ERBB4: variants seen among roughly 807,000 people sequenced by gnomAD.
ERBB4 encodes erb-b2 receptor tyrosine kinase 4, also known as receptor tyrosine-protein kinase erbB-4.
A neutral mutation model predicts 158.0 loss-of-function variants in ERBB4; 42 were observed. The observed-to-expected ratio is 0.27, with a 90% CI of 0.21 to 0.34. ERBB4 has a LOEUF of 0.34. ERBB4 is among the 10% of genes least tolerant of loss of function. The pLI is 1.00. For missense variants in ERBB4, 1,333 were observed against 1,624.1 expected (o/e 0.82, Z 3.08); for synonymous variants, 583 against 558.7 (o/e 1.04, Z -0.61).
intron 1 of ERBB4, among the ~76,000 whole-genome samples, chr2:212,184,838 C>T (rs910550142): frequency 6.6e-6 from 1 of 151,952 alleles, no homozygotes; most frequent in Non-Finnish European, 1.5e-5. Context: ...GTTAATTTCA[C>T]AAGAAAATAA....
At chr2:211,754,119 C>A (rs985773161) in intron 4 of ERBB4, among the ~76,000 whole-genome samples, 1 of 152,120 alleles carries the variant, frequency 6.6e-6, no homozygotes, top group East Asian at 1.9e-4. Flanking sequence ...CTCGGCCTCC[C>A]AAAGTGCTGG....
chr2:212,152,642 A>T lies in ERBB4; in HGVS notation c.83-27739T>A, dbSNP rs563242571. 3.7e-4 allele frequency among the ~76,000 whole-genome samples: 57 copies of T among 152,228 alleles called. 1 individual carries two copies. The highest frequency in any genetic ancestry group is 1.3e-3 in the African/African-American group (55 of 41,542). Reference sequence around the variant, plus strand: ...TCATACTGATGATCCCCATATTTCTATCTTCAGCCCACATCATTCTTTCTG... The same window carrying T: ...TCATACTGATGATCCCCATATTTCTTTCTTCAGCCCACATCATTCTTTCTG... On this transcript the variant is annotated intron_variant, in intron 1 of 27. Coordinates refer to ENST00000342788, the MANE Select transcript of ERBB4 (RefSeq NM_005235.3).
intron 25 of ERBB4, among the ~76,000 whole-genome samples, chr2:211,389,861 A>T: frequency 6.6e-6 from 1 of 152,242 alleles, no homozygotes; most frequent in South Asian, 2.1e-4. Flanking sequence ...AATGTAAAGG[A>T]TATATCAATC....
At chr2:212,163,330 A>G (rs1255154400) in intron 1 of ERBB4, among the ~76,000 whole-genome samples, 3 of 152,120 alleles carry the variant, frequency 2.0e-5, no homozygotes, top group Non-Finnish European at 4.4e-5. Flanking sequence ...GAAAAAACAT[A>G]AATGATATAA....
intron 3 of ERBB4, among the ~76,000 whole-genome samples, chr2:211,889,303 C>T (rs10183321): frequency 0.091 from 13,008 of 143,268 alleles, 978 homozygotes; most frequent in South Asian, 0.21. Context: ...ACACCTCACA[C>T]GGCAGGGTAT....
In ERBB4 at chr2:211,477,792, T is replaced by C. The variant is rs1017215203; in HGVS notation, c.2488-46692A>G. Among the ~76,000 whole-genome samples the C allele has an allele frequency of 3.3e-5, 5 of 152,144 alleles. No homozygotes were observed. In the East Asian group the frequency reaches 9.6e-4, roughly 29 times the overall value. ...AATTTTAAGTATTAAAGTTCAAAAG[T>C]AACTTATTATTGCATAACAGTTCTC... On this transcript the variant is annotated intron_variant, in intron 20 of 27. Transcript: ENST00000342788.
At chr2:212,001,624 G>C (rs926738283) in intron 2 of ERBB4, among the ~76,000 whole-genome samples, 2 of 152,184 alleles carry the variant, frequency 1.3e-5, no homozygotes, top group African/African-American at 4.8e-5. Context: ...AGCATAGCTT[G>C]AATGAGAACC....
chr2:212,477,646 A>T (rs2106146297), intron 1 of ERBB4, among the ~76,000 whole-genome samples: 1 of 152,198 alleles, frequency 6.6e-6, no homozygotes, highest in Middle Eastern at 3.4e-3. Context: ...TTTCCACTTT[A>T]TTGCTTTTGA....
intron 20 of ERBB4, among the ~76,000 whole-genome samples, chr2:211,441,739 G>T (rs1574495522): frequency 6.6e-6 from 1 of 152,118 alleles, no homozygotes; most frequent in Middle Eastern, 3.4e-3. Flanking sequence ...TCAGTGCTCT[G>T]CTGTCTTCCA....
chr2:211,703,738 T>C (rs1297652542), intron 11 of ERBB4, among the ~76,000 whole-genome samples: 1 of 152,174 alleles, frequency 6.6e-6, no homozygotes, highest in Non-Finnish European at 1.5e-5. Flanking sequence ...CAGAACCTCC[T>C]GGCACAACAG....
At chr2:211,569,501 T>G (rs1381470793) in intron 19 of ERBB4, among the ~76,000 whole-genome samples, 1 of 152,162 alleles carries the variant, frequency 6.6e-6, no homozygotes, top group African/African-American at 2.4e-5. Context: ...AACAGATGCA[T>G]AAGTATTTTT....
At chr2:212,187,932 G>A (rs1376287400) in intron 1 of ERBB4, among the ~76,000 whole-genome samples, 3 of 152,026 alleles carry the variant, frequency 2.0e-5, no homozygotes, top group African/African-American at 4.8e-5. Flanking sequence ...ATTTTAATGC[G>A]TTGACAGCTA....
chr2:212,516,884 G>T (rs1256027404), intron 1 of ERBB4, among the ~76,000 whole-genome samples: 1 of 152,060 alleles, frequency 6.6e-6, no homozygotes, highest in Admixed American at 6.6e-5. Flanking sequence ...TTGAAGAAAT[G>T]AATGTCTAGG....
At chr2:211,395,337 G>GAGGT (rs2062889081) in intron 25 of ERBB4, among the ~76,000 whole-genome samples, 1 of 152,020 alleles carries the variant, frequency 6.6e-6, no homozygotes, top group Non-Finnish European at 1.5e-5. Context: ...GACACTCTGA[G>GAGGT]AGGTTAATTT....
chr2:211,613,277 T>C (rs968098327), intron 19 of ERBB4, among the ~76,000 whole-genome samples: 6 of 151,966 alleles, frequency 3.9e-5, no homozygotes, highest in Non-Finnish European at 8.8e-5. Context: ...TGTAAGAACA[T>C]GGTTACAATG....
At chr2:211,864,071 A>T (rs1353320109) in intron 3 of ERBB4, among the ~76,000 whole-genome samples, 1 of 152,150 alleles carries the variant, frequency 6.6e-6, no homozygotes, top group Non-Finnish European at 1.5e-5. Context: ...GTGTTCTCAC[A>T]AGCCCCACTA....
chr2:211,515,732 C>T (rs1435194742), intron 20 of ERBB4, among the ~76,000 whole-genome samples: 2 of 150,684 alleles, frequency 1.3e-5, no homozygotes, highest in African/African-American at 4.9e-5. Flanking sequence ...GCTCAGAGCA[C>T]AGGGATGTGG....
chr2:212,126,460 CAAAAAAAAAA>C (rs10585812), intron 1 of ERBB4, among the ~76,000 whole-genome samples: 3 of 70,670 alleles, frequency 4.2e-5, no homozygotes, highest in Non-Finnish European at 5.5e-5. Context: ...GACTCTGTCT[CAAAAAAAAAA>C]AAAAAAAAAA....
intron 1 of ERBB4, among the ~76,000 whole-genome samples, chr2:212,349,316 CACACA>C (rs1176000876): frequency 2.6e-5 from 4 of 151,550 alleles, no homozygotes; most frequent in African/African-American, 9.7e-5. Flanking sequence ...CACACACACA[CACACA>C]CCCTTCAAGT....
Sources: gnomAD v4.1 joint callset for allele counts (sites outside exome capture counted in the v4.1 genomes callset) on GRCh38, gnomAD v4.1.1 for gene constraint, MANE v1.5 for transcripts, NCBI Gene and HGNC (gene_info 2026-07-23, HGNC 2026-07-21) for gene names.